Variants in TMEFF1 observed in about 807,000 individuals in gnomAD.
TMEFF1 encodes transmembrane protein with EGF like and two follistatin like domains 1.
A neutral mutation model predicts 47.5 loss-of-function variants in TMEFF1; 20 were observed. The ratio of observed to expected loss-of-function variants is 0.42; its 90% CI spans 0.30 to 0.61. The LOEUF (loss-of-function observed/expected upper bound fraction) is 0.61, where lower values mean the gene tolerates loss of function less well. Among genes scored for constraint, TMEFF1 ranks in the 20% least tolerant of loss-of-function variants. The probability of loss-of-function intolerance (pLI) is 0.19; values close to 1 mark genes in which losing one functional copy is unlikely to be tolerated. For synonymous variants in TMEFF1, 162 were observed against 166.3 expected, an observed-to-expected ratio of 0.97 and a Z score of 0.20; for missense variants, 411 against 471.1, an observed-to-expected ratio of 0.87 and a Z score of 1.18.
intron 5 of TMEFF1, among the ~76,000 whole-genome samples, chr9:100,544,777 C>T (rs575503531): frequency 6.6e-6 from 1 of 152,376 alleles, no homozygotes; most frequent in African/African-American, 2.4e-5. Context: ...AAGTTAGTTA[C>T]TTCCTAGATA....
intron 5 of TMEFF1, among the ~76,000 whole-genome samples, chr9:100,528,426 G>A (rs1000806740): frequency 1.4e-5 from 2 of 146,634 alleles, no homozygotes; most frequent in East Asian, 2.0e-4. Flanking sequence ...ATCAAGGCTC[G>A]AGAACTACGT....
chr9:100,506,683 C>T (rs926890149), intron 2 of TMEFF1, among the ~76,000 whole-genome samples: 6 of 147,382 alleles, frequency 4.1e-5, no homozygotes, highest in African/African-American at 1.5e-4. Context: ...AGGAGAATGG[C>T]ATGAACCCAG....
chr9:100,565,943 C>G (rs1324407851), intron 8 of TMEFF1, among the ~76,000 whole-genome samples: 1 of 152,168 alleles, frequency 6.6e-6, no homozygotes, highest in Non-Finnish European at 1.5e-5. Flanking sequence ...CTTGAACTCA[C>G]CCCAACAAAC....
chr9:100,494,758 C>T (rs1837620655), intron 1 of TMEFF1, among the ~76,000 whole-genome samples: 1 of 152,152 alleles, frequency 6.6e-6, no homozygotes, highest in African/African-American at 2.4e-5. Flanking sequence ...AGAATAGATC[C>T]AAGGTAGGCA....
At chr9:100,519,647 C>CTTTTTTT (rs60569330) in intron 5 of TMEFF1, among the ~76,000 whole-genome samples, 1 of 65,168 alleles carries the variant, frequency 1.5e-5, no homozygotes, top group Non-Finnish European at 2.7e-5. Context: ...TGCCCAGTGA[C>CTTTTTTT]TTTTTTTTTT....
chr9:100,561,359 G>T (rs374183440), intron 7 of TMEFF1, 38 bp from the exon 8 acceptor site: 1 of 1,589,482 alleles, frequency 6.3e-7, no homozygotes, highest in Non-Finnish European at 8.5e-7. Flanking sequence ...TTCAGCTTGC[G>T]TTTCATTGTT....
At chr9:100,537,622 T>C (rs1838543541) in intron 5 of TMEFF1, among the ~76,000 whole-genome samples, 1 of 152,256 alleles carries the variant, frequency 6.6e-6, no homozygotes. Flanking sequence ...AGCCCTGCAC[T>C]GAGTGGAAGA....
At chr9:100,553,263 G>A (rs1176015047) in intron 7 of TMEFF1, among the ~76,000 whole-genome samples, 1 of 152,058 alleles carries the variant, frequency 6.6e-6, no homozygotes, top group Non-Finnish European at 1.5e-5. Flanking sequence ...AGGTTAAAAG[G>A]TAACTCTATT....
chr9:100,538,259 T>C (rs553648168), intron 5 of TMEFF1, among the ~76,000 whole-genome samples: 1 of 152,336 alleles, frequency 6.6e-6, no homozygotes, highest in East Asian at 1.9e-4. Context: ...GGTTTCACCA[T>C]GTTGGCCAGG....
intron 9 of TMEFF1, among the ~76,000 whole-genome samples, chr9:100,573,648 A>G (rs998682983): frequency 1.6e-4 from 24 of 152,202 alleles, no homozygotes; most frequent in African/African-American, 5.8e-4. Context: ...AAATACAGAT[A>G]TTGGCAGGCC....
intron 1 of TMEFF1, among the ~76,000 whole-genome samples, chr9:100,481,587 A>G (rs1837338781): frequency 6.6e-6 from 1 of 152,178 alleles, no homozygotes; most frequent in African/African-American, 2.4e-5. Flanking sequence ...ATTTGGTTCA[A>G]AGACATCAAG....
At chr9:100,561,804 T>A (rs141401442) in intron 8 of TMEFF1, among the ~76,000 whole-genome samples, 44 of 152,316 alleles carry the variant, frequency 2.9e-4, no homozygotes, top group African/African-American at 1.0e-3. Context: ...ATTTTGGTTT[T>A]TAGGCAATCT....
At chr9:100,546,922 G>C (rs1304981944) in intron 5 of TMEFF1, among the ~76,000 whole-genome samples, 1 of 152,198 alleles carries the variant, frequency 6.6e-6, no homozygotes, top group Non-Finnish European at 1.5e-5. Context: ...CAGTTACACA[G>C]ATAGACATGT....
At chr9:100,482,278 A>G (rs1183186555) in intron 1 of TMEFF1, among the ~76,000 whole-genome samples, 1 of 148,416 alleles carries the variant, frequency 6.7e-6, no homozygotes, top group Non-Finnish European at 1.5e-5. Context: ...GCTCACTGCA[A>G]CCTCCACCTC....
rs578072189 is a variant in TMEFF1 at position 100,473,761 on chromosome 9, C to A, written c.196+21C>A. On this transcript the variant is annotated intron_variant, in intron 1 of 9. Coordinates refer to ENST00000374879, the MANE Select transcript of TMEFF1 (RefSeq NM_003692.5). The surrounding 1 kb of genome is among the most constrained non-coding windows in gnomAD (Gnocchi z 5.4). ...CTCAGGTAGGACCGGTCGGAGCCGG[C>A]CCTAGGTCTTCCCACCCCTCCGTTG... is the stretch of plus-strand genomic sequence containing the variant. 1 of 1,469,908 alleles carries A rather than the reference C, an allele frequency of 6.8e-7. No homozygotes were observed. Among genetic ancestry groups the A allele is most frequent in the South Asian group, 1.3e-5 (1 of 76,168 alleles). 91.1% of individuals were successfully genotyped at this position (1,469,908 alleles called of 1,614,324 possible).
chr9:100,540,484 C>G (rs980724011), intron 5 of TMEFF1, among the ~76,000 whole-genome samples: 1 of 152,210 alleles, frequency 6.6e-6, no homozygotes, highest in Non-Finnish European at 1.5e-5. Context: ...GCCGGCCTTG[C>G]CAAGTGCCCA....
At chr9:100,515,017 T>A (rs959213137) in intron 4 of TMEFF1, among the ~76,000 whole-genome samples, 10 of 151,570 alleles carry the variant, frequency 6.6e-5, no homozygotes, top group African/African-American at 1.9e-4. Flanking sequence ...AATAAAAAAA[T>A]TTAAAAAAGC....
Position 100,561,382 on chromosome 9 carries a change from T to G in TMEFF1, c.776-15T>G. ...GCGTTTCATTGTTGAACGATCTGGTTTATGTTCTTTTAAGATGCTAGTGAT... is the reference window on the plus strand; with the variant it reads ...GCGTTTCATTGTTGAACGATCTGGTGTATGTTCTTTTAAGATGCTAGTGAT... On this transcript the variant is annotated splice_polypyrimidine_tract_variant and intron_variant, in intron 7 of 9. Coordinates refer to ENST00000374879, the MANE Select transcript of TMEFF1 (RefSeq NM_003692.5). 6.2e-7 allele frequency: 1 copy of G among 1,609,788 alleles called. No individual in the cohort carries two copies. Among genetic ancestry groups the G allele is most frequent in the South Asian group, 1.1e-5 (1 of 90,014 alleles).
intron 2 of TMEFF1, among the ~76,000 whole-genome samples, chr9:100,507,300 G>A (rs1420399739): frequency 6.6e-6 from 1 of 152,076 alleles, no homozygotes; most frequent in Non-Finnish European, 1.5e-5. Context: ...TTGTTATTGT[G>A]AATAGTGCTG....
Sources: gnomAD v4.1 joint callset for allele counts (sites outside exome capture counted in the v4.1 genomes callset) on GRCh38, gnomAD v4.1.1 for gene constraint, Gnocchi (gnomAD v3.1) non-coding constraint, MANE v1.5 for transcripts, NCBI Gene and HGNC (gene_info 2026-07-23, HGNC 2026-07-21) for gene names.